HAND2: variants seen among roughly 807,000 people sequenced by gnomAD.
HAND2 encodes the protein heart- and neural crest derivatives-expressed protein 2.
HAND2 carries 2 observed loss-of-function variants against 14.7 expected under a neutral mutation model. That is an observed-to-expected ratio of 0.14 (90% confidence interval 0.06 to 0.43). HAND2 has a LOEUF of 0.43. Ranked by LOEUF, HAND2 falls within the 20% of genes least tolerant of loss-of-function variation. The probability of loss-of-function intolerance (pLI) is 0.99; values close to 1 mark genes in which losing one functional copy is unlikely to be tolerated. For missense variants in HAND2, 275 were observed against 313.6 expected (o/e 0.88, Z 0.93); for synonymous variants, 162 against 135.9 (o/e 1.19, Z -1.34).
rs78164752 is a variant in HAND2 at position 173,528,102 on chromosome 4, T to G, written c.555+633A>C. 9,206 of 154,248 alleles carry G rather than the reference T, an allele frequency of 0.06. 769 individuals carry two copies. The highest frequency in any genetic ancestry group is 0.19 in the African/African-American group (7,796 of 41,548). 9.6% of individuals were successfully genotyped at this position (154,248 alleles called of 1,614,324 possible). A position where few individuals can be genotyped will look rare whatever the true frequency, so the allele number is the denominator to read the frequency against. On this transcript the variant is annotated intron_variant, in intron 1 of 1. Transcript: ENST00000359562. The surrounding 1 kb of genome is among the most constrained non-coding windows in gnomAD (Gnocchi z 5.6). ...ATGTACAGGCTTATTCAAATAAAAT[T>G]AGAAATGCCAATGGAATATACTCAT...
Position 173,529,302 on chromosome 4 carries a change from GC to G in HAND2, c.-14del. ...CTACCAGACTCATTTCGCCCTCCGC[GC>G]CCCTCCACGCGCCCCAGCGTGCGCG... On this transcript the variant is annotated 5_prime_UTR_variant, in exon 1 of 2. Transcript: ENST00000359562. 1 of 1,306,722 alleles carries G rather than the reference GC, an allele frequency of 7.7e-7. No individual in the cohort carries two copies. Among genetic ancestry groups the G allele is most frequent in the Non-Finnish European group, 9.7e-7 (1 of 1,036,114 alleles). The allele number at this position is 1,306,722 out of a possible 1,614,324, so 80.9% of individuals were successfully genotyped here. A position where few individuals can be genotyped will look rare whatever the true frequency, so the allele number is the denominator to read the frequency against.
In HAND2 at chr4:173,526,606, GT is replaced by G. The variant is rs571123624; in HGVS notation, c.*670del. 8.3e-4 allele frequency: 129 copies of G among 155,194 alleles called. No individual in the cohort carries two copies. The Middle Eastern group carries it at 9.7e-3, about 12-fold the overall frequency. 9.6% of individuals were successfully genotyped at this position (155,194 alleles called of 1,614,324 possible). A position where few individuals can be genotyped will look rare whatever the true frequency, so the allele number is the denominator to read the frequency against. Reference sequence around the variant, plus strand: ...AGGTATCAGCCATTAAAAGATTAAGGTTTTTGTAAAAAAAAAACACAGTGGT... The same window carrying G: ...AGGTATCAGCCATTAAAAGATTAAGGTTTTGTAAAAAAAAAACACAGTGGT... On this transcript the variant is annotated 3_prime_UTR_variant, in exon 2 of 2. Coordinates refer to ENST00000359562, the MANE Select transcript of HAND2 (RefSeq NM_021973.3).
In HAND2 at chr4:173,527,363, T is replaced by G. The variant is rs2110902925; in HGVS notation, c.568A>C (p.Lys190Gln). The change falls in exon 2 of 2, where the codon AAA becomes CAA. Residue 190 changes from lysine (K) to glutamine (Q), a missense_variant. This residue lies in a region of HAND2 where 54 missense variants were observed against 54.3 expected (regional missense o/e 0.99). Coordinates refer to ENST00000359562, the MANE Select transcript of HAND2 (RefSeq NM_021973.3). ...TTGTCGTTGCTGCTCACTGTGCTTT[T>G]CAAGATTTCGTTCTGGACAGAGGAA... Reference protein sequence around the residue: ...KRKKELNEILKSTVSSNDKKT... With the variant: ...KRKKELNEILQSTVSSNDKKT... 1 of 1,613,214 alleles carries G rather than the reference T, an allele frequency of 6.2e-7. No individual in the cohort carries two copies. The highest frequency in any genetic ancestry group is 8.5e-7 in the Non-Finnish European group (1 of 1,179,282).
At position 173,528,300 on chromosome 4, in the gene HAND2, C is replaced by A; in HGVS notation, c.555+435G>T. The A allele has an allele frequency of 1.1e-5, 2 of 179,754 alleles. No individual in the cohort carries two copies. The highest frequency in any genetic ancestry group is 2.6e-4 in the South Asian group (2 of 7,656). The allele number at this position is 179,754 out of a possible 1,614,324, so 11.1% of individuals were successfully genotyped here. The stretch of plus-strand genomic sequence containing the variant: ...CCTTCTGGGAGTGGGGTAGGGGGTG[C>A]GATCAATAGTGAAATAATTGGAATC... On this transcript the variant is annotated intron_variant, in intron 1 of 1. Coordinates refer to ENST00000359562, the MANE Select transcript of HAND2 (RefSeq NM_021973.3). This position sits in a 1 kb window ranked among gnomAD's most constrained non-coding sequence, Gnocchi z 5.6.
rs1408654729 is a variant in HAND2, at chr4:173,529,690, T to C, written c.-401A>G. 6.6e-6 allele frequency: 1 copy of C among 152,066 alleles called. No homozygotes were observed. Among genetic ancestry groups the C allele is most frequent in the African/African-American group, 2.4e-5 (1 of 41,342 alleles). 9.4% of individuals were successfully genotyped at this position (152,066 alleles called of 1,614,324 possible). A position where few individuals can be genotyped will look rare whatever the true frequency, so the allele number is the denominator to read the frequency against. On this transcript the variant is annotated 5_prime_UTR_variant, in exon 1 of 2. Transcript: ENST00000359562. ...GGTGCCGGGGCTCCCGCGAGGCTGG[T>C]ACGCGGAGTCTCGGGAATCCAAGCC...
At chr4:173,527,602 T>A (rs2110903345) in intron 1 of HAND2, 4 of 572,020 alleles carry the variant, frequency 7.0e-6, no homozygotes, top group Non-Finnish European at 1.2e-5. Flanking sequence ...GATCCACAAG[T>A]TTATAAACAA....
chr4:173,528,916 C>T lies in HAND2; in HGVS notation c.374G>A (p.Cys125Tyr). Residue 125 changes from cysteine (C) to tyrosine (Y), a missense_variant, in exon 1 of 2, where the codon TGC becomes TAC. This residue lies in a region of HAND2 where 34 missense variants were observed against 77.9 expected (regional missense o/e 0.44). Transcript: ENST00000359562. The surrounding 1 kb of genome is among the most constrained non-coding windows in gnomAD (Gnocchi z 5.6). ...GGTGTCGGCGGGTACGTTGGGGATG[C>T]ACTCGCGCAGTTCGGCGAAGGCGCT... Reference protein sequence around the residue: ...INSAFAELRECIPNVPADTKL... With the variant: ...INSAFAELREYIPNVPADTKL... The T allele has an allele frequency of 6.2e-7, 1 of 1,614,030 alleles. No individual in the cohort carries two copies. Among genetic ancestry groups the T allele is most frequent in the Non-Finnish European group, 8.5e-7 (1 of 1,179,982 alleles).
chr4:173,528,655 T>A lies in HAND2; in HGVS notation c.555+80A>T, dbSNP rs1731585516. 1 of 1,520,618 alleles carries A rather than the reference T, an allele frequency of 6.6e-7. No homozygotes were observed. The highest frequency in any genetic ancestry group is 1.4e-5 in the African/African-American group (1 of 72,704). 94.2% of individuals were successfully genotyped at this position (1,520,618 alleles called of 1,614,324 possible). A position where few individuals can be genotyped will look rare whatever the true frequency, so the allele number is the denominator to read the frequency against. ...GCCAAAGAACACGAGATGCCATTTC[T>A]CAGCCCAATTGGAAAGAGGCCGGGA... On this transcript the variant is annotated intron_variant, in intron 1 of 1. Transcript: ENST00000359562. The surrounding 1 kb of genome is among the most constrained non-coding windows in gnomAD (Gnocchi z 5.6).
In HAND2 at chr4:173,528,220, T is replaced by C. The variant is rs1449849375; in HGVS notation, c.555+515A>G. 1.3e-5 allele frequency: 2 copies of C among 157,244 alleles called. No individual in the cohort carries two copies. The highest frequency in any genetic ancestry group is 2.8e-5 in the Non-Finnish European group (2 of 71,250). The allele number at this position is 157,244 out of a possible 1,614,324, so 9.7% of individuals were successfully genotyped here. On this transcript the variant is annotated intron_variant, in intron 1 of 1. Coordinates refer to ENST00000359562, the MANE Select transcript of HAND2 (RefSeq NM_021973.3). This position sits in a 1 kb window ranked among gnomAD's most constrained non-coding sequence, Gnocchi z 5.6. ...TTATTTTATGTTTACCATTACGTTT[T>C]CCGGGCATAGTATGAGAACAACCAC...
In HAND2 at chr4:173,529,334, C is replaced by A; in HGVS notation, c.-45G>T. On this transcript the variant is annotated 5_prime_UTR_variant, in exon 1 of 2. Transcript: ENST00000359562. ...CACGCGCCCCAGCGTGCGCGCAGCC[C>A]CGCCGCGCCCTCGGCCCGGGCCCCT... 1 of 1,263,344 alleles carries A rather than the reference C, an allele frequency of 7.9e-7. No homozygotes were observed. Among genetic ancestry groups the A allele is most frequent in the East Asian group, 3.2e-5 (1 of 31,512 alleles). The allele number at this position is 1,263,344 out of a possible 1,614,324, so 78.3% of individuals were successfully genotyped here.
chr4:173,527,242 C>T lies in HAND2; in HGVS notation c.*35G>A, dbSNP rs755075499. The T allele has an allele frequency of 2.8e-6, 4 of 1,448,544 alleles. No homozygotes were observed. In the African/African-American group the frequency reaches 5.6e-5, roughly 20 times the overall value. 89.7% of individuals were successfully genotyped at this position (1,448,544 alleles called of 1,614,324 possible). ...TGCATCTGGCGCCTTGGCCCCTGCT[C>T]ACTCGCGCTCTCCTCCTCCTCCTTC... On this transcript the variant is annotated 3_prime_UTR_variant, in exon 2 of 2. Coordinates refer to ENST00000359562, the MANE Select transcript of HAND2 (RefSeq NM_021973.3).
rs767505770 is a variant in HAND2, at chr4:173,528,818, C to T, written c.472G>A (p.Asp158Asn). ...IAYLMDLLAK[D>N]DQNGEAEAFK... ...GCCTCCGCCTCGCCATTCTGGTCGT[C>T]CTTGGCCAGCAGGTCCATGAGGTAG... Residue 158 changes from aspartate to asparagine, a missense_variant, in exon 1 of 2, where the codon GAC becomes AAC. By Grantham distance (23) the Asp-to-Asn change is conservative (BLOSUM62 1). Coordinates refer to ENST00000359562, the MANE Select transcript of HAND2 (RefSeq NM_021973.3). The surrounding 1 kb of genome is among the most constrained non-coding windows in gnomAD (Gnocchi z 5.6). The T allele has an allele frequency of 3.0e-5, 48 of 1,614,236 alleles. No individual in the cohort carries two copies. The highest frequency in any genetic ancestry group is 4.0e-5 in the Non-Finnish European group (47 of 1,180,044).
chr4:173,530,179 C>G lies in HAND2; in HGVS notation c.-890G>C, dbSNP rs1200774304. ...ACGGCGGTGGTTCTCCTGGGCTGGACGACGTGAGGGGAGCAAGCGGATTTT... is the reference window on the plus strand; with the variant it reads ...ACGGCGGTGGTTCTCCTGGGCTGGAGGACGTGAGGGGAGCAAGCGGATTTT... On this transcript the variant is annotated 5_prime_UTR_variant, in exon 1 of 2. Transcript: ENST00000359562. This position sits in a 1 kb window ranked among gnomAD's most constrained non-coding sequence, Gnocchi z 6.2. 6.6e-6 allele frequency: 1 copy of G among 151,856 alleles called. No homozygotes were observed. The highest frequency in any genetic ancestry group is 6.6e-5 in the Admixed American group (1 of 15,254). The allele number at this position is 151,856 out of a possible 1,614,324, so 9.4% of individuals were successfully genotyped here.
intron 1 of HAND2, 129 bp from the exon 2 acceptor site, chr4:173,527,504 G>C (rs1579036965): frequency 6.6e-6 from 5 of 756,368 alleles, no homozygotes; most frequent in African/African-American, 1.7e-5. Context: ...GATACGATGG[G>C]GGAGTCCCAG....
rs748418989 is a variant in HAND2, at chr4:173,527,195, G to A, written c.*82C>T. 2.2e-6 allele frequency: 2 copies of A among 889,218 alleles called. No homozygotes were observed. The highest frequency in any genetic ancestry group is 2.6e-5 in the South Asian group (2 of 76,794). 55.1% of individuals were successfully genotyped at this position (889,218 alleles called of 1,614,324 possible). ...GGAGTCCTCAGAGCGGAGCGCGGAC[G>A]GCTTTTCCGGAGTCCTGGGTCTGCA... On this transcript the variant is annotated 3_prime_UTR_variant, in exon 2 of 2. Coordinates refer to ENST00000359562, the MANE Select transcript of HAND2 (RefSeq NM_021973.3).
rs1731454370 is a variant in HAND2, at chr4:173,526,473, T to A, written c.*804A>T. The stretch of plus-strand genomic sequence containing the variant: ...GGTCAGGGTGACTGGTTGGAACCAC[T>A]GAGTCTTTAAAATAAAGTTAGAGGC... On this transcript the variant is annotated 3_prime_UTR_variant, in exon 2 of 2. Coordinates refer to ENST00000359562, the MANE Select transcript of HAND2 (RefSeq NM_021973.3). The A allele has an allele frequency of 6.4e-6, 1 of 156,280 alleles. No homozygotes were observed. The highest frequency in any genetic ancestry group is 1.4e-5 in the Non-Finnish European group (1 of 70,618). 9.7% of individuals were successfully genotyped at this position (156,280 alleles called of 1,614,324 possible). A position where few individuals can be genotyped will look rare whatever the true frequency, so the allele number is the denominator to read the frequency against.
In HAND2 at chr4:173,529,009, C is replaced by G. The variant is rs140589459; in HGVS notation, c.281G>C (p.Gly94Ala). 1.9e-6 allele frequency: 3 copies of G among 1,592,196 alleles called. No individual in the cohort carries two copies. Among genetic ancestry groups the G allele is most frequent in the Non-Finnish European group, 1.7e-6 (2 of 1,172,302 alleles). The change falls in exon 1 of 2, where the codon GGG (glycine) becomes GCG (alanine). Residue 94 changes from glycine to alanine, a missense_variant. Physicochemically the swap from Gly to Ala is moderately conservative, Grantham distance 60 (BLOSUM62 0). Transcript: ENST00000359562. ...PPGAGPPGLG[G>A]PRPVKRRGTA... ...GCCTCGGCGCTTCACCGGGCGCGGCCCCCCCAGGCCCGGGGGCCCGGCGCC... is the reference window on the plus strand; with the variant it reads ...GCCTCGGCGCTTCACCGGGCGCGGCGCCCCCAGGCCCGGGGGCCCGGCGCC...
Position 173,527,151 on chromosome 4 carries a change from C to A in HAND2, c.*126G>T. On this transcript the variant is annotated 3_prime_UTR_variant, in exon 2 of 2. Coordinates refer to ENST00000359562, the MANE Select transcript of HAND2 (RefSeq NM_021973.3). The stretch of plus-strand genomic sequence containing the variant: ...GGAAGGAAATTGCACATAAATAAAC[C>A]GGATGATTCCAAATGCAAGGAGTCC... The A allele has an allele frequency of 1.4e-6, 1 of 736,524 alleles. No homozygotes were observed. Among genetic ancestry groups the A allele is most frequent in the Non-Finnish European group, 2.5e-6 (1 of 406,830 alleles). 45.6% of individuals were successfully genotyped at this position (736,524 alleles called of 1,614,324 possible).
In HAND2 at chr4:173,528,945, G is replaced by A. The variant is rs144784937; in HGVS notation, c.345C>T (p.Ile115=). 14 of 1,613,976 alleles carry A rather than the reference G, an allele frequency of 8.7e-6. No individual in the cohort carries two copies. Among genetic ancestry groups the A allele is most frequent in the Non-Finnish European group, 1.2e-5 (14 of 1,180,002 alleles). Reference sequence around the variant, plus strand: ...CGCGCAGTTCGGCGAAGGCGCTGTTGATGCTCTGAGTCCTGCGCCGCTCCT... The same window carrying A: ...CGCGCAGTTCGGCGAAGGCGCTGTTAATGCTCTGAGTCCTGCGCCGCTCCT... The part of the protein sequence containing the change: ...NRKERRRTQS[I]NSAFAELREC... The change falls in exon 1 of 2, where the codon ATC becomes ATT. Residue 115 remains isoleucine (I), a synonymous_variant. Coordinates refer to ENST00000359562, the MANE Select transcript of HAND2 (RefSeq NM_021973.3). This position sits in a 1 kb window ranked among gnomAD's most constrained non-coding sequence, Gnocchi z 5.6.
Sources: gnomAD v4.1 joint callset for allele counts on GRCh38, gnomAD v4.1.1 for gene constraint, gnomAD v4.1.1 regional missense constraint, Gnocchi (gnomAD v3.1) non-coding constraint, MANE v1.5 for transcripts, NCBI Gene and HGNC (gene_info 2026-07-23, HGNC 2026-07-21) for gene names.